IGF2BP2: variants seen among roughly 807,000 people sequenced by gnomAD.
IGF2BP2 encodes insulin like growth factor 2 mRNA binding protein 2.
In IGF2BP2, 17 loss-of-function variants were observed where a neutral mutation model predicts 75.8. That is an observed-to-expected ratio of 0.22 (90% CI 0.15 to 0.34). The LOEUF is 0.34. Ranked by LOEUF, IGF2BP2 falls within the 10% of genes least tolerant of loss-of-function variation. The pLI, the probability that IGF2BP2 is intolerant of heterozygous loss-of-function variation, is 1.00. For synonymous variants in IGF2BP2, 288 were observed against 295.6 expected (o/e 0.97, Z 0.26); for missense variants, 516 against 772.4 (o/e 0.67, Z 3.93).
intron 3 of IGF2BP2, 37 bp from the exon 4 acceptor site, chr3:185,696,700 A>G (rs1391167976): frequency 6.4e-7 from 1 of 1,568,246 alleles, no homozygotes; most frequent in African/African-American, 1.3e-5. Flanking sequence ...ATGGGAAGGC[A>G]AGATCATATG....
intron 2 of IGF2BP2, among the ~76,000 whole-genome samples, chr3:185,735,147 C>CTT (rs11314977): frequency 5.8e-5 from 8 of 136,946 alleles, no homozygotes; most frequent in Non-Finnish European, 1.1e-4. Flanking sequence ...CATTTAAATC[C>CTT]TTTTTTTTTT....
chr3:185,817,320 T>A (rs1250442147), intron 2 of IGF2BP2, among the ~76,000 whole-genome samples: 1 of 152,202 alleles, frequency 6.6e-6, no homozygotes, highest in Middle Eastern at 3.2e-3. Context: ...GCTTTTGGGC[T>A]TGAATGCCTC....
chr3:185,806,050 C>T lies in IGF2BP2; in HGVS notation c.239+17103G>A, dbSNP rs181020099. ...TCAGCCTGATCTCAGGTGATCCACC[C>T]GCCTCAGCCTCCCAGAGTGCTGGGA... On this transcript the variant is annotated intron_variant, in intron 2 of 15. Transcript: ENST00000382199. 3.4e-3 allele frequency among the ~76,000 whole-genome samples: 513 copies of T among 152,176 alleles called. 1 individual carries two copies. The highest frequency in any genetic ancestry group is 6.1e-3 in the Admixed American group (93 of 15,278).
chr3:185,722,520 C>G, intron 2 of IGF2BP2: 1 of 289,274 alleles, frequency 3.5e-6, no homozygotes, highest in South Asian at 2.8e-5. Flanking sequence ...GGAGGCGGTA[C>G]AGTGAGCTTG....
At chr3:185,697,507 G>A (rs1484790276) in intron 3 of IGF2BP2, among the ~76,000 whole-genome samples, 1 of 151,864 alleles carries the variant, frequency 6.6e-6, no homozygotes, top group African/African-American at 2.4e-5. Flanking sequence ...TAAAATATGA[G>A]GCAGTTTGTT....
intron 2 of IGF2BP2, among the ~76,000 whole-genome samples, chr3:185,739,197 C>T (rs1447984733): frequency 1.3e-5 from 2 of 152,220 alleles, no homozygotes; most frequent in South Asian, 2.1e-4. Flanking sequence ...TAAAACAAAA[C>T]GAAACGGCCA....
At chr3:185,653,968 G>C (rs1715024272) in intron 12 of IGF2BP2, among the ~76,000 whole-genome samples, 1 of 152,192 alleles carries the variant, frequency 6.6e-6, no homozygotes, top group African/African-American at 2.4e-5. Flanking sequence ...TCCACCTCCA[G>C]AAGGTTCAAT....
At chr3:185,784,549 G>A (rs1189471699) in intron 2 of IGF2BP2, among the ~76,000 whole-genome samples, 7 of 152,190 alleles carry the variant, frequency 4.6e-5, no homozygotes, top group Non-Finnish European at 8.8e-5. Flanking sequence ...CTACAGAGCT[G>A]GGTACTACTG....
chr3:185,741,573 G>C (rs1021215853), intron 2 of IGF2BP2, among the ~76,000 whole-genome samples: 4 of 152,136 alleles, frequency 2.6e-5, no homozygotes, highest in Middle Eastern at 3.2e-3. Context: ...AATTCGCTCT[G>C]AACAGAGAAA....
At chr3:185,696,756 A>G (rs1240476771) in intron 3 of IGF2BP2, 93 bp from the exon 4 acceptor site, 1 of 1,012,258 alleles carries the variant, frequency 9.9e-7, no homozygotes, top group Non-Finnish European at 1.5e-6. Flanking sequence ...AAATTAAAGG[A>G]AAAAAAAGAT....
intron 2 of IGF2BP2, among the ~76,000 whole-genome samples, chr3:185,773,963 T>C (rs1476560768): frequency 1.3e-5 from 2 of 152,158 alleles, no homozygotes. Flanking sequence ...CTTCTGGCCC[T>C]CCCTTCCTGG....
intron 12 of IGF2BP2, among the ~76,000 whole-genome samples, chr3:185,655,822 T>C (rs934298108): frequency 4.6e-5 from 7 of 152,206 alleles, no homozygotes; most frequent in Non-Finnish European, 1.0e-4. Context: ...AAATCTTGGC[T>C]CTCTCATTCT....
chr3:185,677,062 TATATATAGAG>T (rs1471372239), intron 7 of IGF2BP2, among the ~76,000 whole-genome samples: 4 of 50,338 alleles, frequency 7.9e-5, no homozygotes, highest in South Asian at 6.0e-4. Context: ...TATATATATA[TATATATAGAG>T]AGAGAGAGAG....
At chr3:185,789,559 G>C (rs1443874311) in intron 2 of IGF2BP2, among the ~76,000 whole-genome samples, 1 of 151,952 alleles carries the variant, frequency 6.6e-6, no homozygotes, top group Non-Finnish European at 1.5e-5. Flanking sequence ...AAGGTGAGGA[G>C]AGCACGGAGC....
chr3:185,672,783 C>A, intron 9 of IGF2BP2, 114 bp from the exon 10 acceptor site: 1 of 1,179,826 alleles, frequency 8.5e-7, no homozygotes, highest in Non-Finnish European at 1.2e-6. Context: ...ATCAGCTCTG[C>A]CCAGGCTCTT....
chr3:185,664,303 C>T (rs1164978700), intron 10 of IGF2BP2, among the ~76,000 whole-genome samples: 1 of 152,196 alleles, frequency 6.6e-6, no homozygotes, highest in Non-Finnish European at 1.5e-5. Flanking sequence ...TCACCTGGGA[C>T]ATTCTGAACT....
intron 2 of IGF2BP2, among the ~76,000 whole-genome samples, chr3:185,713,070 A>ATGTGTG (rs1560339915): frequency 1.4e-5 from 2 of 145,688 alleles, no homozygotes; most frequent in Admixed American, 1.3e-4. Flanking sequence ...CCCTACAGAT[A>ATGTGTG]TGTATGTGTG....
chr3:185,735,397 C>G (rs559530463), intron 2 of IGF2BP2, among the ~76,000 whole-genome samples: 2 of 152,266 alleles, frequency 1.3e-5, no homozygotes, highest in African/African-American at 4.8e-5. Context: ...CCACCTGCCT[C>G]GGCCTCCCAA....
intron 2 of IGF2BP2, among the ~76,000 whole-genome samples, chr3:185,805,033 G>A (rs1005281019): frequency 1.3e-4 from 20 of 151,398 alleles, no homozygotes; most frequent in East Asian, 1.9e-4. Context: ...CTCAGGCCAC[G>A]AACTGAACAA....
Sources: allele counts gnomAD v4.1 joint callset (sites outside exome capture counted in the v4.1 genomes callset), GRCh38; gene constraint gnomAD v4.1.1; transcripts MANE v1.5; gene names NCBI Gene and HGNC (gene_info 2026-07-23, HGNC 2026-07-21).